The following CC2D1A variants were observed in gnomAD, a reference collection of about 807,000 sequenced individuals.
CC2D1A encodes coiled-coil and C2 domain-containing protein 1A.
A neutral mutation model predicts 123.8 loss-of-function variants in CC2D1A; 68 were observed. That is an observed-to-expected ratio of 0.55 (90% CI 0.45 to 0.67). The LOEUF (loss-of-function observed/expected upper bound fraction) is 0.67, where lower values mean the gene tolerates loss of function less well. Among genes scored for constraint, CC2D1A ranks in the 30% least tolerant of loss-of-function variants. The pLI, the probability that CC2D1A is intolerant of heterozygous loss-of-function variation, is 0.00. For synonymous variants in CC2D1A, 477 were observed against 528.0 expected (o/e 0.90, Z 1.32); for missense variants, 1,185 against 1,290.3 (o/e 0.92, Z 1.25).
In CC2D1A at chr19:13,913,239, A is replaced by G; in HGVS notation, c.450A>G (p.Ala150=). Residue 150 remains alanine, a synonymous_variant, in exon 5 of 29, where the codon GCA becomes GCG. Transcript: ENST00000318003. ...AGAGGCTGGCGCTCTATCAGACAGCAATTGAAAGCGCCAGACAAGCTGGAG... is the reference window on the plus strand; with the variant it reads ...AGAGGCTGGCGCTCTATCAGACAGCGATTGAAAGCGCCAGACAAGCTGGAG... The part of the protein sequence containing the change: ...LQERLALYQT[A]IESARQAGDS... 6.2e-7 allele frequency: 1 copy of G among 1,613,570 alleles called. No homozygotes were observed. The highest frequency in any genetic ancestry group is 8.5e-7 in the Non-Finnish European group (1 of 1,179,910).
In CC2D1A at chr19:13,917,933, T is replaced by C. The variant is rs1971264941; in HGVS notation, c.749-137T>C. 5 of 892,364 alleles carry C rather than the reference T, an allele frequency of 5.6e-6. No homozygotes were observed. The South Asian group carries it at 1.1e-4, about 19-fold the overall frequency. 55.3% of individuals were successfully genotyped at this position (892,364 alleles called of 1,614,324 possible). On this transcript the variant is annotated intron_variant, in intron 6 of 28. Transcript: ENST00000318003. The stretch of plus-strand genomic sequence containing the variant: ...TTGCAGTGAGCTGAGATTGCGCCAC[T>C]GTACCCCAGCATGGGCAACAGAGTG...
chr19:13,923,664 A>C lies in CC2D1A; in HGVS notation c.1824-31A>C, dbSNP rs1210059150. The stretch of plus-strand genomic sequence containing the variant: ...CCCCCAGCCACCCATCCCCAGGGCC[A>C]GGGACATGAGCAGGGCCCTCCCACC... On this transcript the variant is annotated intron_variant, in intron 16 of 28. Transcript: ENST00000318003. This position sits in a 1 kb window ranked among gnomAD's most constrained non-coding sequence, Gnocchi z 5.3. 1.2e-6 allele frequency: 2 copies of C among 1,611,778 alleles called. No individual in the cohort carries two copies. The highest frequency in any genetic ancestry group is 2.7e-5 in the African/African-American group (2 of 74,888).
At chr19:13,919,426 G>A (rs897148465) in intron 11 of CC2D1A, among the ~76,000 whole-genome samples, 2 of 152,220 alleles carry the variant, frequency 1.3e-5, no homozygotes, top group Non-Finnish European at 2.9e-5. Flanking sequence ...CATTGGACAT[G>A]ATGTGTCTGC....
chr19:13,912,309 C>T lies in CC2D1A; in HGVS notation c.197-14C>T. 6.3e-7 allele frequency: 1 copy of T among 1,579,686 alleles called. No homozygotes were observed. Among genetic ancestry groups the T allele is most frequent in the South Asian group, 1.2e-5 (1 of 86,552 alleles). The stretch of plus-strand genomic sequence containing the variant: ...TACGACCCTGGTCCACCTGGGGCAT[C>T]CCCCTACCGCCAGGTCCCTTGCCGA... On this transcript the variant is annotated splice_polypyrimidine_tract_variant and intron_variant, in intron 2 of 28. Coordinates refer to ENST00000318003, the MANE Select transcript of CC2D1A (RefSeq NM_017721.5).
At chr19:13,917,328 C>T (rs1037975048) in intron 6 of CC2D1A, among the ~76,000 whole-genome samples, 3 of 152,008 alleles carry the variant, frequency 2.0e-5, no homozygotes, top group Non-Finnish European at 4.4e-5. Context: ...AAAAACCAGC[C>T]GGGCATGCAG....
chr19:13,928,071 G>A (rs753453176), intron 23 of CC2D1A, 41 bp downstream of exon 23: 2 of 1,612,884 alleles, frequency 1.2e-6, no homozygotes, highest in East Asian at 4.5e-5. Flanking sequence ...CCCCAGGGAG[G>A]GAAGCTTGGT....
chr19:13,912,188 A>G, intron 2 of CC2D1A, 135 bp from the exon 3 acceptor site: 1 of 1,021,574 alleles, frequency 9.8e-7, no homozygotes, highest in Non-Finnish European at 1.4e-6. Context: ...GCCAGGCCCC[A>G]GACCTGAGGC....
chr19:13,923,442 G>A lies in CC2D1A; in HGVS notation c.1751G>A (p.Arg584Gln), dbSNP rs34204315. ...RRYGELTKLI[R>Q]QQHEMCLNHS... ...TATGGTGAACTCACCAAGCTCATACGGCAGCAGCACGAGGTGAGGGGGAGG... is the reference window on the plus strand; with the variant it reads ...TATGGTGAACTCACCAAGCTCATACAGCAGCAGCACGAGGTGAGGGGGAGG... Residue 584 changes from arginine (R) to glutamine (Q), a missense_variant, in exon 15 of 29, where the codon CGG (arginine) becomes CAG (glutamine). Arg to Gln is a conservative substitution (Grantham distance 43, BLOSUM62 1). Coordinates refer to ENST00000318003, the MANE Select transcript of CC2D1A (RefSeq NM_017721.5). The surrounding 1 kb of genome is among the most constrained non-coding windows in gnomAD (Gnocchi z 5.3). The A allele has an allele frequency of 3.2e-4, 517 of 1,613,926 alleles. 2 individuals carry two copies. Among genetic ancestry groups the A allele is most frequent in the Admixed American group, 1.8e-4 (11 of 59,986 alleles).
At position 13,930,453 on chromosome 19, in the gene CC2D1A, G is replaced by A. The variant is rs369214187; in HGVS notation, c.*58G>A. 65 of 1,525,588 alleles carry A rather than the reference G, an allele frequency of 4.3e-5. No individual in the cohort carries two copies. The East Asian group carries it at 6.3e-4, about 15-fold the overall frequency. The allele number at this position is 1,525,588 out of a possible 1,614,324, so 94.5% of individuals were successfully genotyped here. A position where few individuals can be genotyped will look rare whatever the true frequency, so the allele number is the denominator to read the frequency against. ...GGGCAGCAGGCCCCGATACCGGGAAGAGCCGACACAGCCACGAACCAGACA... is the reference window on the plus strand; with the variant it reads ...GGGCAGCAGGCCCCGATACCGGGAAAAGCCGACACAGCCACGAACCAGACA... On this transcript the variant is annotated 3_prime_UTR_variant, in exon 29 of 29. Coordinates refer to ENST00000318003, the MANE Select transcript of CC2D1A (RefSeq NM_017721.5). The surrounding 1 kb of genome is among the most constrained non-coding windows in gnomAD (Gnocchi z 6.8).
At chr19:13,925,898 C>T (rs186183899) in intron 17 of CC2D1A, among the ~76,000 whole-genome samples, 63 of 114,768 alleles carry the variant, frequency 5.5e-4, no homozygotes, top group Non-Finnish European at 8.0e-4. Context: ...CCAGCCTGGG[C>T]GACAGAGCAA....
rs141378736 is a variant in CC2D1A at position 13,911,415 on chromosome 19, G to A, written c.197-908G>A. Among the ~76,000 whole-genome samples the A allele has an allele frequency of 9.0e-4, 137 of 152,292 alleles. No individual in the cohort carries two copies. In the East Asian group the frequency reaches 0.024, roughly 26 times the overall value. ...TCTCTGCTCCAACCTACCTATGAAG[G>A]AGGAACTGTTGTCATCCCCGTGTCA... On this transcript the variant is annotated intron_variant, in intron 2 of 28. Transcript: ENST00000318003.
rs371205896 is a variant in CC2D1A, at chr19:13,929,523, G to A, written c.2584-11G>A. 2.5e-6 allele frequency: 4 copies of A among 1,612,102 alleles called. No individual in the cohort carries two copies. The highest frequency in any genetic ancestry group is 2.7e-5 in the African/African-American group (2 of 74,520). On this transcript the variant is annotated splice_polypyrimidine_tract_variant and intron_variant, in intron 25 of 28. Transcript: ENST00000318003. ...AGGCAGGATCCTCACAGGACCCTCT[G>A]TATCCTCTAGATCCTGGCCCTCAGG...
intron 11 of CC2D1A, 116 bp downstream of exon 11, chr19:13,919,318 G>C: frequency 1.3e-6 from 1 of 779,810 alleles, no homozygotes; most frequent in Non-Finnish European, 2.0e-6. Context: ...CAGCCTCTGA[G>C]CCTTGGCAGA....
intron 22 of CC2D1A, 177 bp from the exon 23 acceptor site, chr19:13,927,716 A>C (rs1971694473): frequency 1.5e-6 from 1 of 679,630 alleles, no homozygotes; most frequent in East Asian, 2.6e-5. Context: ...CAGGAGGCGG[A>C]GCTTGCAGTG....
Position 13,918,801 on chromosome 19 carries a change from G to T in CC2D1A, c.1002G>T (p.Thr334=), listed in dbSNP as rs372082075. The T allele has an allele frequency of 3.7e-6, 6 of 1,613,456 alleles. No individual in the cohort carries two copies. The Admixed American group carries it at 6.7e-5, about 18-fold the overall frequency. The change falls in exon 9 of 29, where the codon ACG becomes ACT. Residue 334 remains threonine, a synonymous_variant. Transcript: ENST00000318003. ...SPPSQPPTPA[T]APSTTEVPPP... is the part of the protein sequence containing the mutation. ...CGTCGCAGCCTCCGACCCCCGCTAC[G>T]GCGCCCTCCACAACAGGTAGGTTCT...
In CC2D1A at chr19:13,923,303, T is replaced by C. The variant is rs772329193; in HGVS notation, c.1642-30T>C. 18 of 1,588,872 alleles carry C rather than the reference T, an allele frequency of 1.1e-5. No homozygotes were observed. Among genetic ancestry groups the C allele is most frequent in the Non-Finnish European group, 1.5e-5 (18 of 1,173,652 alleles). ...CCTAGGTGGGCCTGCTTGTCCTCCT[T>C]ACCCCCGCCACCAGCCTCGTCCTCC... On this transcript the variant is annotated intron_variant, in intron 14 of 28. Coordinates refer to ENST00000318003, the MANE Select transcript of CC2D1A (RefSeq NM_017721.5). This position sits in a 1 kb window ranked among gnomAD's most constrained non-coding sequence, Gnocchi z 5.3.
chr19:13,913,236 A>C lies in CC2D1A; in HGVS notation c.447A>C (p.Thr149=), dbSNP rs760193515. Residue 149 remains threonine (T), a synonymous_variant, in exon 5 of 29, where the codon ACA becomes ACC. Transcript: ENST00000318003. ...AGGAGAGGCTGGCGCTCTATCAGACAGCAATTGAAAGCGCCAGACAAGCTG... is the reference window on the plus strand; with the variant it reads ...AGGAGAGGCTGGCGCTCTATCAGACCGCAATTGAAAGCGCCAGACAAGCTG... ...TLQERLALYQ[T]AIESARQAGD... 6.2e-7 allele frequency: 1 copy of C among 1,613,604 alleles called. No homozygotes were observed. The highest frequency in any genetic ancestry group is 8.5e-7 in the Non-Finnish European group (1 of 1,179,918).
At chr19:13,912,662 CT>C in intron 4 of CC2D1A, 69 bp downstream of exon 4, 3 of 1,501,680 alleles carry the variant, frequency 2.0e-6, no homozygotes, top group African/African-American at 1.4e-5. Flanking sequence ...AAGACCTAGC[CT>C]TTTTTATGAG....
At chr19:13,925,933 A>AATATATAT (rs1210738190) in intron 17 of CC2D1A, among the ~76,000 whole-genome samples, 17 of 91,032 alleles carry the variant, frequency 1.9e-4, no homozygotes, top group African/African-American at 7.5e-4. Flanking sequence ...AAAAAAAAAA[A>AATATATAT]ATATATATAT....
Sources: allele counts gnomAD v4.1 joint callset (sites outside exome capture counted in the v4.1 genomes callset), GRCh38; gene constraint gnomAD v4.1.1; non-coding constraint Gnocchi (gnomAD v3.1); transcripts MANE v1.5; gene names NCBI Gene and HGNC (gene_info 2026-07-23, HGNC 2026-07-21).